PRDM16: variants seen among roughly 807,000 people sequenced by gnomAD.
The protein encoded by PRDM16 is PR/SET domain 16.
In PRDM16, 23 loss-of-function variants were observed where a neutral mutation model predicts 110.6. The observed-to-expected ratio is 0.21, with a 90% confidence interval of 0.15 to 0.29. The LOEUF (loss-of-function observed/expected upper bound fraction) is 0.29, where lower values mean the gene tolerates loss of function less well. PRDM16 is among the 10% of genes least tolerant of loss of function. The pLI, the probability that PRDM16 is intolerant of heterozygous loss-of-function variation, is 1.00. For missense variants in PRDM16, 1,615 were observed against 1,794.3 expected, an observed-to-expected ratio of 0.90 and a Z score of 1.81; for synonymous variants, 799 against 781.8, an observed-to-expected ratio of 1.02 and a Z score of -0.37.
At chr1:3,416,085 C>CT (rs1263095445) in intron 10 of PRDM16, among the ~76,000 whole-genome samples, 4 of 152,188 alleles carry the variant, frequency 2.6e-5, no homozygotes, top group Non-Finnish European at 5.9e-5. Context: ...CTGGGTGGGG[C>CT]TGGAAGGGGC....
At chr1:3,299,544 G>C (rs59508799) in intron 3 of PRDM16, among the ~76,000 whole-genome samples, 5,854 of 101,848 alleles carry the variant, frequency 0.057, 321 homozygotes, top group African/African-American at 0.22. Flanking sequence ...TGCTGTGGCC[G>C]TGATGTTTCC....
chr1:3,408,180 C>T (rs892463470), intron 8 of PRDM16, among the ~76,000 whole-genome samples: 4 of 152,204 alleles, frequency 2.6e-5, no homozygotes, highest in African/African-American at 4.8e-5. Flanking sequence ...GGCCAGACTC[C>T]GTGTCCACCT....
rs1182119250 is a variant in PRDM16, at chr1:3,354,611, C to A, written c.439-30541C>A. ...AGGGGCCATGGGAGCTCAGAACCAC[C>A]TTCTCCAGGCTGGGGTGTCTGGTGT... On this transcript the variant is annotated intron_variant, in intron 3 of 16. Transcript: ENST00000270722. Among the ~76,000 whole-genome samples, 4 of 152,178 alleles carry A rather than the reference C, an allele frequency of 2.6e-5. No individual in the cohort carries two copies. The South Asian group carries it at 8.3e-4, about 32-fold the overall frequency.
chr1:3,108,646 G>A (rs1488933796), intron 1 of PRDM16, among the ~76,000 whole-genome samples: 1 of 152,200 alleles, frequency 6.6e-6, no homozygotes, highest in African/African-American at 2.4e-5. Context: ...AGGAAACCAA[G>A]GCACAGAGAG....
At chr1:3,174,980 C>T (rs1476464356) in intron 1 of PRDM16, among the ~76,000 whole-genome samples, 1 of 152,206 alleles carries the variant, frequency 6.6e-6, no homozygotes, top group Non-Finnish European at 1.5e-5. Flanking sequence ...CACAGACGCT[C>T]AGAAGGGGAA....
At chr1:3,193,376 C>T (rs1390007834) in intron 2 of PRDM16, among the ~76,000 whole-genome samples, 1 of 152,228 alleles carries the variant, frequency 6.6e-6, no homozygotes, top group African/African-American at 2.4e-5. Context: ...CCTCATGGCT[C>T]TGGGATTCAG....
rs881142 is a variant in PRDM16 at position 3,157,319 on chromosome 1, A to T, written c.38-28806A>T. ...ACACAAGTACGTCCCAAACACAGCC[A>T]GCATTTTGTTGTGTTTACCGCATTT... is the stretch of plus-strand genomic sequence containing the variant. On this transcript the variant is annotated intron_variant, in intron 1 of 16. Transcript: ENST00000270722. The surrounding 1 kb of genome is among the most constrained non-coding windows in gnomAD (Gnocchi z 4.8). Among the ~76,000 whole-genome samples, 53,689 of 151,792 alleles carry T rather than the reference A, an allele frequency of 0.35. 11,271 individuals carry two copies. Among genetic ancestry groups the T allele is most frequent in the East Asian group, 0.58 (2,997 of 5,128 alleles).
At position 3,434,802 on chromosome 1, in the gene PRDM16, C is replaced by T. The variant is rs1029541595; in HGVS notation, c.*991C>T. 4.3e-6 allele frequency: 1 copy of T among 232,414 alleles called. No individual in the cohort carries two copies. The highest frequency in any genetic ancestry group is 6.1e-5 in the East Asian group (1 of 16,496). 14.4% of individuals were successfully genotyped at this position (232,414 alleles called of 1,614,324 possible). ...TTCCTTCCCTCCTCTGTCCCTGCCT[C>T]GGCCACCCCACGCGGGAACCCAGCG... On this transcript the variant is annotated 3_prime_UTR_variant, in exon 17 of 17. Transcript: ENST00000270722.
In PRDM16 at chr1:3,274,788, A is replaced by ATTACCTTCTTCTCCT. The variant is rs575304318; in HGVS notation, c.438+30654_438+30668dup. Among the ~76,000 whole-genome samples, 964 of 152,218 alleles carry ATTACCTTCTTCTCCT rather than the reference A, an allele frequency of 6.3e-3. 11 individuals carry two copies. Among genetic ancestry groups the ATTACCTTCTTCTCCT allele is most frequent in the South Asian group, 7.9e-3 (38 of 4,824 alleles). ...TTGCTGCTGCATGGCTGGCTTTTCC[A>ATTACCTTCTTCTCCT]TTACCTTCTTCTCCTTTGTATGTTT... On this transcript the variant is annotated intron_variant, in intron 3 of 16. Coordinates refer to ENST00000270722, the MANE Select transcript of PRDM16 (RefSeq NM_022114.4).
intron 3 of PRDM16, among the ~76,000 whole-genome samples, chr1:3,337,218 T>A (rs578197822): frequency 6.6e-6 from 1 of 152,182 alleles, no homozygotes; most frequent in East Asian, 1.9e-4. Context: ...TGTGTGTGAA[T>A]GCATACACGC....
At chr1:3,299,384 G>A (rs1472906943) in intron 3 of PRDM16, among the ~76,000 whole-genome samples, 5 of 90,642 alleles carry the variant, frequency 5.5e-5, no homozygotes, top group African/African-American at 1.6e-4. Flanking sequence ...TCCCAGTTGT[G>A]GTGACTCTGC....
chr1:3,076,005 G>A (rs1641890337), intron 1 of PRDM16, among the ~76,000 whole-genome samples: 1 of 152,178 alleles, frequency 6.6e-6, no homozygotes, highest in Non-Finnish European at 1.5e-5. Flanking sequence ...CACGCGTGGG[G>A]TGCCCACTTC....
chr1:3,216,141 C>T (rs570910255), intron 2 of PRDM16, among the ~76,000 whole-genome samples: 63 of 152,268 alleles, frequency 4.1e-4, no homozygotes, highest in African/African-American at 1.4e-3. Context: ...TCGGGCTGGC[C>T]GTGGCCCCCT....
intron 3 of PRDM16, among the ~76,000 whole-genome samples, chr1:3,276,038 C>T (rs1028778423): frequency 1.3e-5 from 2 of 152,242 alleles, no homozygotes; most frequent in Non-Finnish European, 2.9e-5. Flanking sequence ...TCCGCTCTGC[C>T]GGCTTTGGTC....
At chr1:3,418,781 G>A (rs1276049896) in intron 12 of PRDM16, 37 bp downstream of exon 12, 83 of 1,503,884 alleles carry the variant, frequency 5.5e-5, no homozygotes, top group Non-Finnish European at 7.1e-5. Context: ...GGGCGGGGCC[G>A]CCTGCCTCCG....
chr1:3,397,043 C>T (rs1643396911), intron 5 of PRDM16, among the ~76,000 whole-genome samples: 3 of 152,254 alleles, frequency 2.0e-5, no homozygotes, highest in African/African-American at 2.4e-5. Flanking sequence ...TTTGTAGCTT[C>T]GAAGCATTTC....
chr1:3,219,850 G>A (rs1363078273), intron 2 of PRDM16, among the ~76,000 whole-genome samples: 2 of 152,164 alleles, frequency 1.3e-5, no homozygotes, highest in African/African-American at 4.8e-5. Context: ...AGCCGGAGGA[G>A]GATATCTCAG....
chr1:3,429,810 G>A (rs1225272009), intron 14 of PRDM16, among the ~76,000 whole-genome samples: 2 of 152,252 alleles, frequency 1.3e-5, no homozygotes, highest in African/African-American at 4.8e-5. Context: ...GGAGAGCCAG[G>A]AAATTGTGGC....
At chr1:3,226,768 C>G (rs1639296791) in intron 2 of PRDM16, among the ~76,000 whole-genome samples, 1 of 152,220 alleles carries the variant, frequency 6.6e-6, no homozygotes, top group Admixed American at 6.5e-5. Flanking sequence ...TAAACCCCTG[C>G]ACGCCTTCGC....
Sources: gnomAD v4.1 joint callset for allele counts (sites outside exome capture counted in the v4.1 genomes callset) on GRCh38, gnomAD v4.1.1 for gene constraint, Gnocchi (gnomAD v3.1) non-coding constraint, MANE v1.5 for transcripts, NCBI Gene and HGNC (gene_info 2026-07-23, HGNC 2026-07-21) for gene names.